The following ZNF705G variants were observed in gnomAD, a reference collection of about 807,000 sequenced individuals.
The protein encoded by ZNF705G is zinc finger protein 705G.
A neutral mutation model predicts 19.6 loss-of-function variants in ZNF705G; 23 were observed. The observed-to-expected ratio is 1.17, with a 90% confidence interval of 0.84 to 1.66. The LOEUF (loss-of-function observed/expected upper bound fraction) is 1.66. Ranked by LOEUF, ZNF705G falls within the 40% of genes most tolerant of loss-of-function variation. The pLI, the probability that ZNF705G is intolerant of heterozygous loss-of-function variation, is 0.00. For synonymous variants in ZNF705G, 146 were observed against 117.7 expected, an observed-to-expected ratio of 1.24 and a Z score of -1.56; for missense variants, 457 against 354.4, an observed-to-expected ratio of 1.29 and a Z score of -2.32.
chr8:7,377,969 A>T (rs939421237), intron 2 of ZNF705G, among the ~76,000 whole-genome samples: 1 of 136,618 alleles, frequency 7.3e-6, no homozygotes, highest in South Asian at 2.2e-4. Context: ...AAAAAAAAAA[A>T]AAAAAAAAAG....
At chr8:7,382,418 C>A (rs1807539106) in intron 1 of ZNF705G, among the ~76,000 whole-genome samples, 1 of 146,620 alleles carries the variant, frequency 6.8e-6, no homozygotes, top group Non-Finnish European at 1.5e-5. Context: ...CTTTTTTCCC[C>A]AGAATAAATT....
At chr8:7,380,661 G>A (rs1807448431) in intron 2 of ZNF705G, among the ~76,000 whole-genome samples, 2 of 146,116 alleles carry the variant, frequency 1.4e-5, no homozygotes, top group East Asian at 3.9e-4. Flanking sequence ...TACTGCAATT[G>A]CTGATGCTAC....
In ZNF705G at chr8:7,364,104, CTTTG is replaced by C. The variant is rs1190023902; in HGVS notation, c.-71-1091_-71-1088del. Among the ~76,000 whole-genome samples the C allele has an allele frequency of 2.7e-5, 4 of 149,250 alleles. 1 individual carries two copies. The highest frequency in any genetic ancestry group is 1.0e-4 in the African/African-American group (4 of 38,742). ...TCTTGCAATCATGGTTTATATTAGTCTTTGTTAGTTGCAATATCTCTGATTATCA... is the reference window on the plus strand; with the variant it reads ...TCTTGCAATCATGGTTTATATTAGTCTTAGTTGCAATATCTCTGATTATCA... On this transcript the variant is annotated intron_variant, in intron 2 of 6. Coordinates refer to ENST00000400156, the MANE Select transcript of ZNF705G (RefSeq NM_001164457.3).
intron 2 of ZNF705G, among the ~76,000 whole-genome samples, chr8:7,364,454 C>T (rs1806763944): frequency 6.7e-6 from 1 of 149,562 alleles, no homozygotes; most frequent in Admixed American, 6.6e-5. Context: ...AATAACCCTG[C>T]TGATTACAGT....
At position 7,385,523 on chromosome 8, in the gene ZNF705G, A is replaced by C. The variant is rs1225405484; in HGVS notation, c.-247T>G. The C allele has an allele frequency of 2.7e-5, 4 of 148,298 alleles. No individual in the cohort carries two copies. In the East Asian group the frequency reaches 7.8e-4, roughly 29 times the overall value. 9.2% of individuals were successfully genotyped at this position (148,298 alleles called of 1,614,324 possible). A position where few individuals can be genotyped will look rare whatever the true frequency, so the allele number is the denominator to read the frequency against. The stretch of plus-strand genomic sequence containing the variant: ...CTTGCAGTTGGTTCCTCCACCCTCC[A>C]CAGGCTGTGTGCTGTATGTCCCTTG... On this transcript the variant is annotated 5_prime_UTR_variant, in exon 1 of 7. Transcript: ENST00000400156.
At chr8:7,364,508 T>C (rs1300364022) in intron 2 of ZNF705G, among the ~76,000 whole-genome samples, 3 of 149,588 alleles carry the variant, frequency 2.0e-5, no homozygotes, top group African/African-American at 7.7e-5. Context: ...TTGAAAAATA[T>C]GACAAAATTA....
rs780759504 is a variant in ZNF705G at position 7,357,984 on chromosome 8, G to A, written c.895C>T (p.Leu299Phe). 6.2e-7 allele frequency: 1 copy of A among 1,609,216 alleles called. No individual in the cohort carries two copies. Among genetic ancestry groups the A allele is most frequent in the East Asian group, 2.2e-5 (1 of 44,850 alleles). Residue 299 changes from leucine to phenylalanine, a missense_variant, in exon 7 of 7, where the codon CTT becomes TTT. Coordinates refer to ENST00000400156, the MANE Select transcript of ZNF705G (RefSeq NM_001164457.3). Reference protein sequence around the residue: ...CGKAFSLSSNLR With the variant: ...CGKAFSLSSNFR Reference sequence around the variant, plus strand: ...GTGCGTGTTCTCTCATGTCATCTAAGGTTGGAAGACAGACTGAAGGCCTTC... The same window carrying A: ...GTGCGTGTTCTCTCATGTCATCTAAAGTTGGAAGACAGACTGAAGGCCTTC...
At chr8:7,366,098 T>C (rs1472302253) in intron 2 of ZNF705G, among the ~76,000 whole-genome samples, 2 of 149,222 alleles carry the variant, frequency 1.3e-5, no homozygotes, top group Non-Finnish European at 1.5e-5. Context: ...TAAAAGAGAA[T>C]AGATTTTTTT....
intron 4 of ZNF705G, among the ~76,000 whole-genome samples, chr8:7,360,812 C>T (rs1159990787): frequency 6.7e-6 from 1 of 149,434 alleles, no homozygotes; most frequent in Admixed American, 6.6e-5. Context: ...TAATTTAATA[C>T]ACTGAAAACA....
chr8:7,366,432 A>G (rs1443690041), intron 2 of ZNF705G, among the ~76,000 whole-genome samples: 5 of 149,760 alleles, frequency 3.3e-5, no homozygotes, highest in South Asian at 2.1e-4. Flanking sequence ...CACATTTTAA[A>G]AAAAGGAATA....
At chr8:7,366,059 CA>C (rs1806841015) in intron 2 of ZNF705G, among the ~76,000 whole-genome samples, 1 of 149,370 alleles carries the variant, frequency 6.7e-6, no homozygotes, top group Non-Finnish European at 1.5e-5. Context: ...TAGCAATGAA[CA>C]AATAGAAAAG....
Position 7,360,316 on chromosome 8 carries a change from T to A in ZNF705G, c.156A>T (p.Lys52Asn). 6.3e-7 allele frequency: 1 copy of A among 1,589,152 alleles called. No individual in the cohort carries two copies. The highest frequency in any genetic ancestry group is 8.5e-7 in the Non-Finnish European group (1 of 1,178,478). Residue 52 changes from lysine to asparagine, a missense_variant, in exon 5 of 7, where the codon AAA becomes AAT. Transcript: ENST00000400156. The stretch of plus-strand genomic sequence containing the variant: ...GCTCCAGCTGCAAAATTATATAGGA[T>A]TTGCTTATCTGGTACCCTGTTAGTG... ...HLVSLGYQISKSYIILQLEQG... is the reference protein window; with the variant it reads ...HLVSLGYQISNSYIILQLEQG...
At chr8:7,370,196 A>T (rs1181630461) in intron 2 of ZNF705G, among the ~76,000 whole-genome samples, 1 of 148,156 alleles carries the variant, frequency 6.7e-6, no homozygotes, top group East Asian at 1.9e-4. Flanking sequence ...ACGTGAACCT[A>T]GGAGGCGGAG....
intron 2 of ZNF705G, among the ~76,000 whole-genome samples, chr8:7,378,160 TA>T (rs1455176604): frequency 2.8e-5 from 4 of 145,404 alleles, no homozygotes; most frequent in Admixed American, 2.7e-4. Flanking sequence ...TCCCCTTTTT[TA>T]CTAGGAAAAT....
In ZNF705G at chr8:7,356,426, T is replaced by A. The variant is rs999139356; in HGVS notation, c.*1550A>T. 2.0e-5 allele frequency: 3 copies of A among 149,730 alleles called. No homozygotes were observed. The highest frequency in any genetic ancestry group is 2.9e-5 in the Non-Finnish European group (2 of 68,134). The allele number at this position is 149,730 out of a possible 1,614,324, so 9.3% of individuals were successfully genotyped here. ...CTTCTGAGGGATAGAAGAGAAGAGC[T>A]GCCTTATTCTCTGATCCCAGTTAAC... On this transcript the variant is annotated 3_prime_UTR_variant, in exon 7 of 7. Transcript: ENST00000400156.
At chr8:7,362,153 T>C (rs1297348081) in intron 3 of ZNF705G, among the ~76,000 whole-genome samples, 2 of 149,616 alleles carry the variant, frequency 1.3e-5, no homozygotes, top group Non-Finnish European at 2.9e-5. Context: ...CCAGCCCTTA[T>C]AAAGCATTTC....
At chr8:7,360,761 C>A (rs1473712709) in intron 4 of ZNF705G, among the ~76,000 whole-genome samples, 2 of 149,436 alleles carry the variant, frequency 1.3e-5, no homozygotes, top group South Asian at 4.2e-4. Flanking sequence ...TGGTCTCAGC[C>A]TAAGCATAGA....
intron 2 of ZNF705G, among the ~76,000 whole-genome samples, chr8:7,371,324 G>C (rs572265004): frequency 7.2e-6 from 1 of 138,498 alleles, no homozygotes; most frequent in African/African-American, 2.8e-5. Context: ...CTGGGGAAAT[G>C]GGTAGATGTG....
At chr8:7,358,604 T>A (rs771441254) in intron 6 of ZNF705G, 44 bp from the exon 7 acceptor site, 12 of 1,603,620 alleles carry the variant, frequency 7.5e-6, no homozygotes, top group Non-Finnish European at 1.0e-5. Context: ...TACCCACATA[T>A]ATCTATACAT....
Sources: gnomAD v4.1 joint callset for allele counts (sites outside exome capture counted in the v4.1 genomes callset) on GRCh38, gnomAD v4.1.1 for gene constraint, MANE v1.5 for transcripts, NCBI Gene and HGNC (gene_info 2026-07-23, HGNC 2026-07-21) for gene names.